Variants in PCNX2 observed in about 807,000 individuals in gnomAD.
The protein encoded by PCNX2 is pecanex-like protein 2.
Under a neutral mutation model 223.8 loss-of-function variants are expected in PCNX2, and 168 were observed. The ratio of observed to expected loss-of-function variants is 0.75; its 90% CI spans 0.66 to 0.85. PCNX2 has a LOEUF of 0.85. Ranked by LOEUF, PCNX2 falls within the 40% of genes least tolerant of loss-of-function variation. PCNX2 has a pLI of 0.00. For synonymous variants in PCNX2, 1,006 were observed against 1,052.6 expected (o/e 0.96, Z 0.86); for missense variants, 2,507 against 2,675.5 (o/e 0.94, Z 1.39).
chr1:233,279,809 T>C (rs1661096504), intron 1 of PCNX2, among the ~76,000 whole-genome samples: 1 of 152,198 alleles, frequency 6.6e-6, no homozygotes, highest in South Asian at 2.1e-4. Flanking sequence ...TTTGCCTTTA[T>C]GTTGTATCAG....
chr1:233,054,132 T>G, intron 25 of PCNX2, 136 bp downstream of exon 25: 2 of 693,040 alleles, frequency 2.9e-6, no homozygotes, highest in Non-Finnish European at 2.5e-6. Context: ...TATATCAAGG[T>G]AGTGGTGGCA....
chr1:233,306,066 C>T, the PCNX2 span, among the ~76,000 whole-genome samples: 1 of 152,142 alleles, frequency 6.6e-6, no homozygotes, highest in African/African-American at 2.4e-5. Flanking sequence ...AAGAAGCAAA[C>T]CAAGAGAGTT....
At chr1:233,010,708 T>A (rs1670435919) in intron 28 of PCNX2, among the ~76,000 whole-genome samples, 1 of 152,266 alleles carries the variant, frequency 6.6e-6, no homozygotes, top group African/African-American at 2.4e-5. Flanking sequence ...ATAAGTGTCT[T>A]CTTGTCACAT....
intron 25 of PCNX2, among the ~76,000 whole-genome samples, chr1:233,053,968 C>T (rs1672099344): frequency 2.0e-5 from 3 of 152,140 alleles, no homozygotes; most frequent in South Asian, 4.1e-4. Context: ...ATGATGTTCC[C>T]CACAACCTCC....
chr1:233,053,108 C>T (rs908705841), intron 25 of PCNX2, among the ~76,000 whole-genome samples: 8 of 152,054 alleles, frequency 5.3e-5, no homozygotes, highest in Admixed American at 1.3e-4. Context: ...GTCAACCATT[C>T]CCTCCTCCAG....
At chr1:233,280,446 C>A (rs139147165) in intron 1 of PCNX2, among the ~76,000 whole-genome samples, 1 of 151,948 alleles carries the variant, frequency 6.6e-6, no homozygotes, top group Admixed American at 6.6e-5. Flanking sequence ...TATAGGCATG[C>A]GCCACCATGC....
intron 10 of PCNX2, 21 bp from the exon 11 acceptor site, chr1:233,218,205 A>T: frequency 3.6e-6 from 4 of 1,096,162 alleles, no homozygotes; most frequent in Non-Finnish European, 4.9e-6. Flanking sequence ...TATATACATA[A>T]AAGCAAAAAA....
chr1:233,176,680 C>T (rs1445722621), intron 17 of PCNX2, among the ~76,000 whole-genome samples: 2 of 152,230 alleles, frequency 1.3e-5, no homozygotes, highest in African/African-American at 4.8e-5. Context: ...ACCTGAGGGC[C>T]ACCTAAGTGG....
At position 233,258,725 on chromosome 1, in the gene PCNX2, C is replaced by A. The variant is rs549669481; in HGVS notation, c.1137G>T (p.Thr379=). 161 of 1,613,772 alleles carry A rather than the reference C, an allele frequency of 1.0e-4. No homozygotes were observed. The highest frequency in any genetic ancestry group is 1.3e-4 in the Non-Finnish European group (158 of 1,179,902). The change falls in exon 5 of 34, where the codon ACG becomes ACT. Residue 379 remains threonine, a synonymous_variant. Transcript: ENST00000258229. ...TCATGGAGTTTGGGGTACTGCTCAT[C>A]GTGATAACAATTTTTATGGGCTCAT... is the stretch of plus-strand genomic sequence containing the variant. The part of the protein sequence containing the change: ...SLHEPIKIVI[T]MSSTPNSMTD...
chr1:232,998,286 T>A lies in PCNX2; in HGVS notation c.5756A>T (p.His1919Leu). ...TGTCCCTTCACAGGATGACACCCCGTGCTGAGCACCGCCTTTTCTGGGCTG... is the reference window on the plus strand; with the variant it reads ...TGTCCCTTCACAGGATGACACCCCGAGCTGAGCACCGCCTTTTCTGGGCTG... ...AEQPRKGGAQ[H>L]GVSSCEGTQR... is the part of the protein sequence containing the mutation. Residue 1919 changes from histidine (H) to leucine (L), a missense_variant, in exon 32 of 34, where the codon CAC (histidine) becomes CTC (leucine). By Grantham distance (99) the His-to-Leu change is moderately conservative. Around this residue, in one of 3 missense-constraint regions of PCNX2, gnomAD observed 1,372 missense variants for 1,509.4 expected, o/e 0.91. Transcript: ENST00000258229. The A allele has an allele frequency of 6.2e-7, 1 of 1,604,062 alleles. No homozygotes were observed. The highest frequency in any genetic ancestry group is 8.5e-7 in the Non-Finnish European group (1 of 1,175,060).
intron 23 of PCNX2, among the ~76,000 whole-genome samples, chr1:233,070,865 T>C (rs1195546125): frequency 1.3e-5 from 2 of 151,856 alleles, no homozygotes; most frequent in East Asian, 3.9e-4. Flanking sequence ...TGAAACCCCA[T>C]CTCTACTAAA....
Position 232,999,174 on chromosome 1 carries a change from A to G in PCNX2, c.5534T>C (p.Leu1845Pro). ...TTSYLGTHRQ[L>P]KNIWGGPITL... ...GATGGGTCCACCCCAGATGTTCTTC[A>G]GCTGCCTGTGTGTCCCTAGGTAGGA... Residue 1845 changes from leucine to proline, a missense_variant, in exon 31 of 34, where the codon CTG (leucine) becomes CCG (proline). Coordinates refer to ENST00000258229, the MANE Select transcript of PCNX2 (RefSeq NM_014801.4). 6.2e-7 allele frequency: 1 copy of G among 1,613,920 alleles called. No homozygotes were observed. The highest frequency in any genetic ancestry group is 8.5e-7 in the Non-Finnish European group (1 of 1,179,848).
rs761817514 is a variant in PCNX2, at chr1:233,177,723, C to T, written c.3273+79G>A. 2.7e-4 allele frequency: 335 copies of T among 1,252,436 alleles called. 1 individual carries two copies. Among genetic ancestry groups the T allele is most frequent in the Non-Finnish European group, 3.3e-4 (290 of 868,826 alleles). The allele number at this position is 1,252,436 out of a possible 1,614,324, so 77.6% of individuals were successfully genotyped here. A position where few individuals can be genotyped will look rare whatever the true frequency, so the allele number is the denominator to read the frequency against. ...CCTAGTCCTTCTCATGTCCACCTGC[C>T]TAGAGCTCCATTGAGAGCCTGATCT... On this transcript the variant is annotated intron_variant, in intron 17 of 33. Transcript: ENST00000258229.
chr1:233,304,551 A>T, the PCNX2 span, among the ~76,000 whole-genome samples: 1 of 152,234 alleles, frequency 6.6e-6, no homozygotes, highest in African/African-American at 2.4e-5. Context: ...CACATATTAT[A>T]ATTCAGACAG....
chr1:233,277,543 A>G (rs1265676405), intron 1 of PCNX2, among the ~76,000 whole-genome samples: 1 of 140,574 alleles, frequency 7.1e-6, no homozygotes, highest in Non-Finnish European at 1.6e-5. Flanking sequence ...GATCAGATTA[A>G]CATCGGTAAA....
intron 28 of PCNX2, among the ~76,000 whole-genome samples, chr1:233,012,090 T>A (rs1323625093): frequency 2.6e-5 from 4 of 152,116 alleles, no homozygotes; most frequent in Admixed American, 2.0e-4. Flanking sequence ...AAATCCCACA[T>A]ATATTGGGGC....
At chr1:233,270,466 A>G (rs1227580247) in intron 1 of PCNX2, among the ~76,000 whole-genome samples, 1 of 152,186 alleles carries the variant, frequency 6.6e-6, no homozygotes, top group Non-Finnish European at 1.5e-5. Context: ...CCTGACATAC[A>G]GGAACCTGCC....
At chr1:233,292,242 T>C (rs1661819481) in intron 1 of PCNX2, among the ~76,000 whole-genome samples, 1 of 146,752 alleles carries the variant, frequency 6.8e-6, no homozygotes, top group Admixed American at 6.8e-5. Context: ...AGTTTTGCTC[T>C]GTCACCCAGC....
intron 1 of PCNX2, among the ~76,000 whole-genome samples, chr1:233,284,562 A>G (rs1271061277): frequency 2.0e-5 from 3 of 152,102 alleles, no homozygotes; most frequent in Admixed American, 6.6e-5. Flanking sequence ...CTATGGTAAC[A>G]ATGATCACTG....
Sources: allele counts gnomAD v4.1 joint callset (sites outside exome capture counted in the v4.1 genomes callset), GRCh38; gene constraint gnomAD v4.1.1; regional missense constraint gnomAD v4.1.1; transcripts MANE v1.5; gene names NCBI Gene and HGNC (gene_info 2026-07-23, HGNC 2026-07-21).